The following MTHFD1L variants were observed in gnomAD, a reference collection of about 807,000 sequenced individuals.
MTHFD1L encodes methylenetetrahydrofolate dehydrogenase (NADP+ dependent) 1 like.
Under a neutral mutation model 119.5 loss-of-function variants are expected in MTHFD1L, and 81 were observed. The ratio of observed to expected loss-of-function variants is 0.68; its 90% CI spans 0.57 to 0.82. MTHFD1L has a LOEUF of 0.82. Ranked by LOEUF, MTHFD1L falls within the 40% of genes least tolerant of loss-of-function variation. The pLI, the probability that MTHFD1L is intolerant of heterozygous loss-of-function variation, is 0.00. For synonymous variants in MTHFD1L, 430 were observed against 475.2 expected (o/e 0.90, Z 1.24); for missense variants, 1,125 against 1,253.4 (o/e 0.90, Z 1.55).
intron 9 of MTHFD1L, among the ~76,000 whole-genome samples, chr6:150,920,351 G>A (rs567195143): frequency 6.6e-6 from 1 of 152,280 alleles, no homozygotes; most frequent in East Asian, 1.9e-4. Flanking sequence ...CACCATATAA[G>A]CTGAGTGTTC....
chr6:151,020,289 C>A (rs1783770425), intron 24 of MTHFD1L, among the ~76,000 whole-genome samples: 1 of 152,200 alleles, frequency 6.6e-6, no homozygotes, highest in African/African-American at 2.4e-5. Flanking sequence ...TGTCTCGGAA[C>A]CCCACTGGAG....
chr6:150,900,828 A>C (rs1258529325), intron 7 of MTHFD1L, among the ~76,000 whole-genome samples: 1 of 151,664 alleles, frequency 6.6e-6, no homozygotes, highest in East Asian at 2.0e-4. Flanking sequence ...ATCCTGGATA[A>C]CATGGTGAAA....
chr6:150,885,598 C>A, intron 5 of MTHFD1L, 36 bp from the exon 6 acceptor site: 3 of 1,556,022 alleles, frequency 1.9e-6, no homozygotes, highest in Non-Finnish European at 8.8e-7. Flanking sequence ...TTTGGCTGGG[C>A]TTTGACTTAA....
At chr6:151,016,091 T>TCAAA (rs1184042252) in intron 24 of MTHFD1L, among the ~76,000 whole-genome samples, 3 of 152,112 alleles carry the variant, frequency 2.0e-5, no homozygotes, top group African/African-American at 4.8e-5. Context: ...AGACCCTGTC[T>TCAAA]CAAACAAACA....
chr6:150,905,534 C>A, intron 7 of MTHFD1L, 116 bp from the exon 8 acceptor site: 1 of 715,952 alleles, frequency 1.4e-6, no homozygotes, highest in Non-Finnish European at 2.5e-6. Flanking sequence ...TCCTTGTCAG[C>A]AGCTTGGAAC....
chr6:151,049,416 C>T (rs113005038), intron 26 of MTHFD1L, among the ~76,000 whole-genome samples: 17 of 151,526 alleles, frequency 1.1e-4, no homozygotes, highest in African/African-American at 3.2e-4. Context: ...GGCGTGAACC[C>T]GGGAGGCGGA....
chr6:150,960,646 T>G (rs906956320), intron 18 of MTHFD1L, among the ~76,000 whole-genome samples: 3 of 152,152 alleles, frequency 2.0e-5, no homozygotes, highest in African/African-American at 7.2e-5. Context: ...TGAAATTTAT[T>G]TCAGGAGCTT....
At position 150,905,753 on chromosome 6, in the gene MTHFD1L, T is replaced by A. The variant is rs1280728867; in HGVS notation, c.884T>A (p.Phe295Tyr). 1 of 1,611,080 alleles carries A rather than the reference T, an allele frequency of 6.2e-7. No individual in the cohort carries two copies. The highest frequency in any genetic ancestry group is 2.2e-5 in the East Asian group (1 of 44,856). The change falls in exon 8 of 28, where the codon TTC becomes TAC. Residue 295 changes from phenylalanine (F) to tyrosine (Y), a missense_variant. Around this residue, in one of 3 missense-constraint regions of MTHFD1L, gnomAD observed 1,058 missense variants for 1,151.2 expected, o/e 0.92. Coordinates refer to ENST00000367321, the MANE Select transcript of MTHFD1L (RefSeq NM_015440.5). ...ACTGTTCTCAACTGCTCCCATGACT[T>A]CCTGTCAGGTAAATGTCTTCACATT... is the stretch of plus-strand genomic sequence containing the variant. The part of the protein sequence containing the change: ...GTTVLNCSHD[F>Y]LSGKVGCGSP...
intron 4 of MTHFD1L, 35 bp downstream of exon 4, chr6:150,877,861 C>G: frequency 6.2e-7 from 1 of 1,613,360 alleles, no homozygotes; most frequent in Non-Finnish European, 8.5e-7. Flanking sequence ...CTTGCTTCTT[C>G]TTTCCTCTTG....
Position 151,015,520 on chromosome 6 carries a change from G to C in MTHFD1L, c.2413G>C (p.Asp805His). The change falls in exon 24 of 28, where the codon GAC becomes CAC. Residue 805 changes from aspartate (D) to histidine (H), a missense_variant. Asp to His is a moderately conservative substitution (Grantham distance 81). Coordinates refer to ENST00000367321, the MANE Select transcript of MTHFD1L (RefSeq NM_015440.5). ...VVVALNVFKT[D>H]TRAEIDLVCE... ...CACAAACATTTTCTTCACTAGGACC[G>C]ACACCCGCGCTGAGATTGACTTGGT... The C allele has an allele frequency of 6.2e-7, 1 of 1,606,120 alleles. No individual in the cohort carries two copies. Among genetic ancestry groups the C allele is most frequent in the Non-Finnish European group, 8.5e-7 (1 of 1,177,070 alleles).
At chr6:151,065,414 T>C (rs893594072) in intron 26 of MTHFD1L, among the ~76,000 whole-genome samples, 25 of 152,216 alleles carry the variant, frequency 1.6e-4, no homozygotes, top group Non-Finnish European at 1.5e-5. Context: ...CTCTTGTGGT[T>C]GTGGCTGCAA....
chr6:150,866,218 C>A, intron 1 of MTHFD1L, 169 bp downstream of exon 1: 2 of 1,371,192 alleles, frequency 1.5e-6, no homozygotes, highest in Non-Finnish European at 1.9e-6. Context: ...TTGGGCACTG[C>A]GGCCGGGAGC....
At chr6:150,967,199 C>G (rs1218783565) in intron 19 of MTHFD1L, among the ~76,000 whole-genome samples, 1 of 152,256 alleles carries the variant, frequency 6.6e-6, no homozygotes, top group Non-Finnish European at 1.5e-5. Flanking sequence ...TTCCACCTCT[C>G]CTGACTGCCC....
intron 26 of MTHFD1L, 90 bp from the exon 27 acceptor site, chr6:151,092,377 G>A (rs1026441126): frequency 3.2e-6 from 3 of 923,110 alleles, no homozygotes; most frequent in East Asian, 4.8e-5. Context: ...CTATGAGGCT[G>A]TATTGAACGA....
chr6:151,068,235 A>G (rs1791543421), intron 26 of MTHFD1L, among the ~76,000 whole-genome samples: 1 of 152,258 alleles, frequency 6.6e-6, no homozygotes, highest in African/African-American at 2.4e-5. Flanking sequence ...TGTAGCAACA[A>G]GGGCCTGCCC....
chr6:151,057,990 T>A (rs1237477561), intron 26 of MTHFD1L, among the ~76,000 whole-genome samples: 1 of 152,124 alleles, frequency 6.6e-6, no homozygotes, highest in Non-Finnish European at 1.5e-5. Context: ...TTGGCCAGAC[T>A]GGTCTCAAAC....
intron 19 of MTHFD1L, among the ~76,000 whole-genome samples, chr6:150,967,516 C>A (rs2129012436): frequency 6.6e-6 from 1 of 152,346 alleles, no homozygotes; most frequent in South Asian, 2.1e-4. Flanking sequence ...TTACCAGGAG[C>A]CACGTGGGTG....
intron 20 of MTHFD1L, among the ~76,000 whole-genome samples, chr6:151,006,251 T>C (rs1381163769): frequency 1.3e-5 from 2 of 152,116 alleles, no homozygotes; most frequent in Non-Finnish European, 2.9e-5. Context: ...AGGACAAGCT[T>C]CCAGGAAATG....
intron 26 of MTHFD1L, among the ~76,000 whole-genome samples, chr6:151,074,742 A>T (rs184794404): frequency 2.2e-4 from 33 of 152,330 alleles, no homozygotes; most frequent in African/African-American, 4.8e-4. Context: ...ACAGCCACCT[A>T]CTGTATTCAG....
Sources: allele counts gnomAD v4.1 joint callset (sites outside exome capture counted in the v4.1 genomes callset), GRCh38; gene constraint gnomAD v4.1.1; regional missense constraint gnomAD v4.1.1; transcripts MANE v1.5; gene names NCBI Gene and HGNC (gene_info 2026-07-23, HGNC 2026-07-21).